The following PRKAR2B variants were observed in gnomAD, a reference collection of about 807,000 sequenced individuals.
PRKAR2B encodes the protein protein kinase cAMP-dependent type II regulatory subunit beta, also known as cAMP-dependent protein kinase type II-beta regulatory subunit.
A neutral mutation model predicts 49.9 loss-of-function variants in PRKAR2B; 14 were observed. The ratio of observed to expected loss-of-function variants is 0.28; its 90% CI spans 0.19 to 0.44. The LOEUF (loss-of-function observed/expected upper bound fraction) is 0.44. Ranked by LOEUF, PRKAR2B falls within the 20% of genes least tolerant of loss-of-function variation. The probability of loss-of-function intolerance (pLI) is 1.00; values close to 1 mark genes in which losing one functional copy is unlikely to be tolerated. For synonymous variants in PRKAR2B, 196 were observed against 197.7 expected, an observed-to-expected ratio of 0.99 and a Z score of 0.07; for missense variants, 393 against 537.9, an observed-to-expected ratio of 0.73 and a Z score of 2.67.
At chr7:107,062,045 A>G (rs2116760880) in intron 1 of PRKAR2B, among the ~76,000 whole-genome samples, 1 of 152,312 alleles carries the variant, frequency 6.6e-6, no homozygotes, top group Non-Finnish European at 1.5e-5. Context: ...AATAAGACAT[A>G]CCTTATGTTG....
At chr7:107,128,316 A>G in intron 4 of PRKAR2B, 21 bp downstream of exon 4, 1 of 1,564,720 alleles carries the variant, frequency 6.4e-7, no homozygotes, top group East Asian at 2.2e-5. Flanking sequence ...TCTTAATAAT[A>G]GAAATGGCTT....
At chr7:107,152,586 T>C (rs1796009031) in intron 7 of PRKAR2B, among the ~76,000 whole-genome samples, 1 of 152,242 alleles carries the variant, frequency 6.6e-6, no homozygotes, top group South Asian at 2.1e-4. Context: ...TCTATTTCAC[T>C]GTCATATTTG....
intron 7 of PRKAR2B, 76 bp from the exon 8 acceptor site, chr7:107,153,101 A>G: frequency 1.8e-6 from 2 of 1,082,970 alleles, no homozygotes; most frequent in South Asian, 1.5e-5. Flanking sequence ...ATAGGCTACC[A>G]GTTTTTTACT....
At chr7:107,080,310 A>G (rs894051331) in intron 2 of PRKAR2B, among the ~76,000 whole-genome samples, 3 of 152,208 alleles carry the variant, frequency 2.0e-5, no homozygotes, top group Non-Finnish European at 4.4e-5. Flanking sequence ...GAGAAGAATC[A>G]AGTTTCAACC....
intron 2 of PRKAR2B, among the ~76,000 whole-genome samples, chr7:107,112,392 C>A (rs1249572315): frequency 6.6e-6 from 1 of 151,732 alleles, no homozygotes; most frequent in Non-Finnish European, 1.5e-5. Context: ...TATCATCTCA[C>A]AAATCTTGAT....
At chr7:107,098,369 T>G (rs1188648128) in intron 2 of PRKAR2B, among the ~76,000 whole-genome samples, 6 of 152,232 alleles carry the variant, frequency 3.9e-5, no homozygotes, top group Admixed American at 3.9e-4. Context: ...TCAGGTCATT[T>G]AAGGTCTTGT....
At chr7:107,105,978 C>T (rs1044591062) in intron 2 of PRKAR2B, among the ~76,000 whole-genome samples, 1 of 152,180 alleles carries the variant, frequency 6.6e-6, no homozygotes, top group Non-Finnish European at 1.5e-5. Flanking sequence ...AGAGTTAGCT[C>T]ATGGGGGGTT....
intron 2 of PRKAR2B, among the ~76,000 whole-genome samples, chr7:107,101,272 C>T (rs896752346): frequency 1.3e-5 from 2 of 151,846 alleles, no homozygotes; most frequent in Non-Finnish European, 2.9e-5. Context: ...CAAGGTTAGC[C>T]CCTGTATCTT....
intron 2 of PRKAR2B, among the ~76,000 whole-genome samples, chr7:107,099,618 C>T (rs899261132): frequency 9.9e-5 from 15 of 151,108 alleles, no homozygotes; most frequent in South Asian, 2.1e-4. Context: ...TGTTCCTATT[C>T]GGCCATCTTG....
chr7:107,076,672 T>C lies in PRKAR2B; in HGVS notation c.343+6356T>C, dbSNP rs576585660. Among the ~76,000 whole-genome samples the C allele has an allele frequency of 4.6e-5, 7 of 152,328 alleles. No individual in the cohort carries two copies. In the South Asian group the frequency reaches 6.2e-4, roughly 14 times the overall value. On this transcript the variant is annotated intron_variant, in intron 2 of 10. Transcript: ENST00000265717. ...ATAATAGAAGGATTTTCTTTTCTCATGTAGTTAACCACTCTTTAATTTTTT... is the reference window on the plus strand; with the variant it reads ...ATAATAGAAGGATTTTCTTTTCTCACGTAGTTAACCACTCTTTAATTTTTT...
chr7:107,075,952 A>C (rs1480091748), intron 2 of PRKAR2B, among the ~76,000 whole-genome samples: 1 of 152,174 alleles, frequency 6.6e-6, no homozygotes, highest in Non-Finnish European at 1.5e-5. Flanking sequence ...GGGAGGGGCT[A>C]GAAATGTCCA....
chr7:107,139,463 G>A (rs1018881503), intron 4 of PRKAR2B, among the ~76,000 whole-genome samples: 8 of 152,192 alleles, frequency 5.3e-5, no homozygotes, highest in African/African-American at 1.9e-4. Context: ...AGGGTAGAGG[G>A]ATTTTGAAGG....
At chr7:107,101,875 CTT>C (rs10589473) in intron 2 of PRKAR2B, among the ~76,000 whole-genome samples, 32,772 of 93,718 alleles carry the variant, frequency 0.35, 5,641 homozygotes, top group Non-Finnish European at 0.42. Context: ...AGCCCTGATC[CTT>C]TTTTTTTTTT....
intron 3 of PRKAR2B, among the ~76,000 whole-genome samples, chr7:107,123,507 C>T (rs1245404741): frequency 6.6e-6 from 1 of 152,212 alleles, no homozygotes. Context: ...AGCTGTAGGC[C>T]TGGCAGGCAG....
intron 8 of PRKAR2B, among the ~76,000 whole-genome samples, chr7:107,155,466 A>G (rs919496134): frequency 2.6e-5 from 4 of 152,176 alleles, no homozygotes; most frequent in African/African-American, 7.2e-5. Flanking sequence ...AAAATGGTTG[A>G]ACCAATCTAC....
chr7:107,116,884 C>T lies in PRKAR2B; in HGVS notation c.344-5068C>T, dbSNP rs182417289. The stretch of plus-strand genomic sequence containing the variant: ...ATATATACATATATATATATACACA[C>T]ATATATATATATGTGTGTGTGTGTA... On this transcript the variant is annotated intron_variant, in intron 2 of 10. Coordinates refer to ENST00000265717, the MANE Select transcript of PRKAR2B (RefSeq NM_002736.3). Among the ~76,000 whole-genome samples the T allele has an allele frequency of 9.3e-4, 137 of 147,620 alleles. No homozygotes were observed. In the Middle Eastern group the frequency reaches 0.011, roughly 11 times the overall value.
At chr7:107,127,851 T>A (rs1267587228) in intron 3 of PRKAR2B, among the ~76,000 whole-genome samples, 1 of 152,226 alleles carries the variant, frequency 6.6e-6, no homozygotes, top group Non-Finnish European at 1.5e-5. Flanking sequence ...TGCTGGCACC[T>A]GTTGTCCTTT....
chr7:107,052,453 A>G (rs1251825617), intron 1 of PRKAR2B, among the ~76,000 whole-genome samples: 2 of 152,180 alleles, frequency 1.3e-5, no homozygotes, highest in East Asian at 1.9e-4. Context: ...TTTATTTAAT[A>G]CTAGTTATTA....
At chr7:107,145,858 G>A (rs1795883171) in intron 5 of PRKAR2B, among the ~76,000 whole-genome samples, 1 of 149,370 alleles carries the variant, frequency 6.7e-6, no homozygotes, top group African/African-American at 2.5e-5. Flanking sequence ...TCCTGCCTCA[G>A]CCTCCCGAGT....
Sources: allele counts gnomAD v4.1 joint callset (sites outside exome capture counted in the v4.1 genomes callset), GRCh38; gene constraint gnomAD v4.1.1; transcripts MANE v1.5; gene names NCBI Gene and HGNC (gene_info 2026-07-23, HGNC 2026-07-21).